The following KCNK10 variants were observed in gnomAD, a reference collection of about 807,000 sequenced individuals.
The protein encoded by KCNK10 is potassium channel subfamily K member 10.
A neutral mutation model predicts 47.7 loss-of-function variants in KCNK10; 25 were observed. The ratio of observed to expected loss-of-function variants is 0.52; its 90% CI spans 0.38 to 0.73. The LOEUF (loss-of-function observed/expected upper bound fraction) is 0.73. Ranked by LOEUF, KCNK10 falls within the 30% of genes least tolerant of loss-of-function variation. The pLI is 0.00. For missense variants in KCNK10, 563 were observed against 714.5 expected (o/e 0.79, Z 2.42); for synonymous variants, 303 against 285.6 (o/e 1.06, Z -0.61).
intron 4 of KCNK10, among the ~76,000 whole-genome samples, chr14:88,224,826 T>C (rs979177725): frequency 2.6e-5 from 4 of 152,182 alleles, no homozygotes; most frequent in African/African-American, 9.7e-5. Flanking sequence ...GCCAGGATGG[T>C]CTTGAACTTC....
intron 4 of KCNK10, among the ~76,000 whole-genome samples, chr14:88,201,973 C>T (rs1364927029): frequency 2.0e-5 from 3 of 152,206 alleles, no homozygotes; most frequent in African/African-American, 7.2e-5. Flanking sequence ...TCTGTAGATA[C>T]TATTTCCTTT....
At chr14:88,203,218 G>A (rs34663471) in intron 4 of KCNK10, among the ~76,000 whole-genome samples, 33,019 of 150,388 alleles carry the variant, frequency 0.22, 4,672 homozygotes, top group Non-Finnish European at 0.31. Context: ...AGACACAGCA[G>A]TGGCTTCCTC....
intron 3 of KCNK10, among the ~76,000 whole-genome samples, chr14:88,228,009 T>C (rs1439423809): frequency 6.6e-6 from 1 of 152,120 alleles, no homozygotes; most frequent in Non-Finnish European, 1.5e-5. Flanking sequence ...GGAAATGTGG[T>C]CTAGTACAAG....
chr14:88,292,968 T>C (rs1039305016), intron 1 of KCNK10, among the ~76,000 whole-genome samples: 6 of 149,986 alleles, frequency 4.0e-5, no homozygotes, highest in African/African-American at 1.5e-4. Flanking sequence ...TTTTGATTCA[T>C]GTAAAACTGG....
chr14:88,256,216 G>A (rs1169489872), intron 2 of KCNK10, among the ~76,000 whole-genome samples: 1 of 152,126 alleles, frequency 6.6e-6, no homozygotes, highest in East Asian at 1.9e-4. Context: ...TTATTAAAGG[G>A]GCCTGGCCCT....
chr14:88,294,798 G>A (rs987083174), intron 1 of KCNK10, among the ~76,000 whole-genome samples: 23 of 152,110 alleles, frequency 1.5e-4, no homozygotes, highest in African/African-American at 4.3e-4. Context: ...AATTTAATAT[G>A]CTACTTCAAG....
At chr14:88,214,346 G>C (rs958213879) in intron 4 of KCNK10, among the ~76,000 whole-genome samples, 3 of 152,156 alleles carry the variant, frequency 2.0e-5, no homozygotes, top group Non-Finnish European at 4.4e-5. Flanking sequence ...GGCACCAAGA[G>C]GCTTGGCTTT....
intron 1 of KCNK10, among the ~76,000 whole-genome samples, chr14:88,285,259 G>A (rs370276399): frequency 1.1e-4 from 17 of 152,176 alleles, no homozygotes; most frequent in East Asian, 5.8e-4. Context: ...TTACAGGCGC[G>A]CACCACCATG....
intron 4 of KCNK10, among the ~76,000 whole-genome samples, chr14:88,203,380 T>C (rs983337135): frequency 6.6e-6 from 1 of 152,212 alleles, no homozygotes; most frequent in Non-Finnish European, 1.5e-5. Context: ...GTTTCTCTCA[T>C]TTTGAGCTAA....
chr14:88,322,909 G>C lies in KCNK10; in HGVS notation c.-111C>G. 6.3e-7 allele frequency: 1 copy of C among 1,575,152 alleles called. No homozygotes were observed. The highest frequency in any genetic ancestry group is 8.6e-7 in the Non-Finnish European group (1 of 1,161,162). On this transcript the variant is annotated 5_prime_UTR_variant, in exon 1 of 7. Coordinates refer to ENST00000319231, the MANE Select transcript of KCNK10 (RefSeq NM_138317.3). The surrounding 1 kb of genome is among the most constrained non-coding windows in gnomAD (Gnocchi z 4.8). ...CCAACAAAACAATTTCCGAGGATGG[G>C]GGAGCCTTGGACTGGCTCGTGGAGG...
Position 88,212,125 on chromosome 14 carries a change from TATATATCG to T in KCNK10, c.681+15242_681+15249del, listed in dbSNP as rs199641480. Among the ~76,000 whole-genome samples, 326 of 66,924 alleles carry T rather than the reference TATATATCG, an allele frequency of 4.9e-3. 3 individuals are homozygous for T. The highest frequency in any genetic ancestry group is 0.014 in the African/African-American group (300 of 21,740). 43.9% of individuals were successfully genotyped at this position (66,924 alleles called of 152,430 possible). On this transcript the variant is annotated intron_variant, in intron 4 of 6. Transcript: ENST00000319231. ...GATAGTGAGAATATATATATATATA[TATATATCG>T]AGAGAGAGAGAGAGAGAAAGAGAGA...
chr14:88,242,072 C>A (rs1437626847), intron 2 of KCNK10, among the ~76,000 whole-genome samples: 2 of 152,232 alleles, frequency 1.3e-5, no homozygotes, highest in Non-Finnish European at 2.9e-5. Flanking sequence ...CAAACAGACT[C>A]TCTGTTCCTT....
In KCNK10 at chr14:88,310,169, C is replaced by CCATATG. The variant is rs1362989684; in HGVS notation, c.52+12577_52+12578insCATATG. 4.8e-4 allele frequency among the ~76,000 whole-genome samples: 50 copies of CCATATG among 104,044 alleles called. 3 individuals carry two copies. Among genetic ancestry groups the CCATATG allele is most frequent in the African/African-American group, 2.2e-3 (49 of 22,718 alleles). 68.3% of individuals were successfully genotyped at this position (104,044 alleles called of 152,430 possible). A position where few individuals can be genotyped will look rare whatever the true frequency, so the allele number is the denominator to read the frequency against. On this transcript the variant is annotated intron_variant, in intron 1 of 6. Transcript: ENST00000319231. Reference sequence around the variant, plus strand: ...TCCATATCTCTCTCATATACCATATCATATGGTATATGATATACCATATCA... The same window carrying CCATATG: ...TCCATATCTCTCTCATATACCATATCCATATGATATGGTATATGATATACCATATCA...
intron 1 of KCNK10, among the ~76,000 whole-genome samples, chr14:88,289,455 G>T (rs901493872): frequency 2.6e-5 from 4 of 152,190 alleles, no homozygotes; most frequent in African/African-American, 9.6e-5. Context: ...GGCAACATTT[G>T]CCCAAGTGCC....
chr14:88,205,542 C>CTTTTTTTTTTTTTTTTTTTTTTT (rs200265659), intron 4 of KCNK10, among the ~76,000 whole-genome samples: 2 of 115,780 alleles, frequency 1.7e-5, no homozygotes, highest in Non-Finnish European at 3.5e-5. Context: ...CTTTTCTTTT[C>CTTTTTTTTTTTTTTTTTTTTTTT]TTTTTTTTTT....
intron 1 of KCNK10, among the ~76,000 whole-genome samples, chr14:88,272,225 G>GC (rs1887422885): frequency 6.6e-6 from 1 of 152,172 alleles, no homozygotes; most frequent in Admixed American, 6.5e-5. Context: ...CTTGTTCAAA[G>GC]CAAGTCCTCA....
chr14:88,187,600 C>G (rs537903626), intron 6 of KCNK10, among the ~76,000 whole-genome samples: 48 of 144,880 alleles, frequency 3.3e-4, no homozygotes, highest in African/African-American at 1.2e-3. Flanking sequence ...TCTGCACAGA[C>G]CCTGAGACCG....
In KCNK10 at chr14:88,183,847, A is replaced by G. The variant is rs1412646666; in HGVS notation, c.*1688T>C. On this transcript the variant is annotated 3_prime_UTR_variant, in exon 7 of 7. Coordinates refer to ENST00000319231, the MANE Select transcript of KCNK10 (RefSeq NM_138317.3). ...GGGTACAACTTTCCCTGGAGGTCAG[A>G]AAGCATGAGACAGTTTCTGGAAGTC... 2 of 152,384 alleles carry G rather than the reference A, an allele frequency of 1.3e-5. No homozygotes were observed. The highest frequency in any genetic ancestry group is 4.8e-5 in the African/African-American group (2 of 41,456). The allele number at this position is 152,384 out of a possible 1,614,324, so 9.4% of individuals were successfully genotyped here. A position where few individuals can be genotyped will look rare whatever the true frequency, so the allele number is the denominator to read the frequency against.
Position 88,235,391 on chromosome 14 carries a change from A to C in KCNK10, c.520+5312T>G, listed in dbSNP as rs900983351. ...ACCAATGGATGGAAAGAGGCTCACCAGAAAAATGTTTCCAAAATCAGACAA... is the reference window on the plus strand; with the variant it reads ...ACCAATGGATGGAAAGAGGCTCACCCGAAAAATGTTTCCAAAATCAGACAA... On this transcript the variant is annotated intron_variant, in intron 3 of 6. Coordinates refer to ENST00000319231, the MANE Select transcript of KCNK10 (RefSeq NM_138317.3). 4 of 357,166 alleles carry C rather than the reference A, an allele frequency of 1.1e-5. No individual in the cohort carries two copies. In the Admixed American group the frequency reaches 1.5e-4, roughly 13 times the overall value. The allele number at this position is 357,166 out of a possible 1,614,324, so 22.1% of individuals were successfully genotyped here. A position where few individuals can be genotyped will look rare whatever the true frequency, so the allele number is the denominator to read the frequency against.
Sources: gnomAD v4.1 joint callset for allele counts (sites outside exome capture counted in the v4.1 genomes callset) on GRCh38, gnomAD v4.1.1 for gene constraint, Gnocchi (gnomAD v3.1) non-coding constraint, MANE v1.5 for transcripts, NCBI Gene and HGNC (gene_info 2026-07-23, HGNC 2026-07-21) for gene names.